The following KCNIP4 variants were observed in gnomAD, a reference collection of about 807,000 sequenced individuals.
KCNIP4 encodes Kv channel-interacting protein 4.
In KCNIP4, 12 loss-of-function variants were observed where a neutral mutation model predicts 34.0. The ratio of observed to expected loss-of-function variants is 0.35; its 90% CI spans 0.23 to 0.57. The LOEUF is 0.57. Ranked by LOEUF, KCNIP4 falls within the 20% of genes least tolerant of loss-of-function variation. KCNIP4 has a pLI of 0.83. For synonymous variants in KCNIP4, 124 were observed against 102.2 expected, an observed-to-expected ratio of 1.21 and a Z score of -1.29; for missense variants, 238 against 311.7, an observed-to-expected ratio of 0.76 and a Z score of 1.78.
intron 1 of KCNIP4, among the ~76,000 whole-genome samples, chr4:20,927,722 T>C (rs1189392862): frequency 6.6e-6 from 1 of 152,220 alleles, no homozygotes; most frequent in Non-Finnish European, 1.5e-5. Context: ...TTTCAGTATG[T>C]GGTACAGTTT....
At chr4:21,493,727 G>A (rs544119035) in intron 1 of KCNIP4, among the ~76,000 whole-genome samples, 1 of 152,256 alleles carries the variant, frequency 6.6e-6, no homozygotes, top group South Asian at 2.1e-4. Context: ...CCAATCTACA[G>A]AGGGCAGGAG....
At chr4:21,847,133 C>T (rs540375048) in intron 1 of KCNIP4, 3 of 152,230 alleles carry the variant, frequency 2.0e-5, no homozygotes, top group Non-Finnish European at 2.9e-5. Context: ...CAGTTCATCA[C>T]CTTCTATAAC....
At chr4:21,121,189 G>C (rs1750127533) in intron 1 of KCNIP4, among the ~76,000 whole-genome samples, 1 of 152,128 alleles carries the variant, frequency 6.6e-6, no homozygotes, top group African/African-American at 2.4e-5. Context: ...ACAACCCCAG[G>C]TGACTCCTAC....
intron 1 of KCNIP4, among the ~76,000 whole-genome samples, chr4:21,576,531 C>T (rs1287497770): frequency 6.6e-6 from 1 of 152,042 alleles, no homozygotes; most frequent in African/African-American, 2.4e-5. Flanking sequence ...AAAATCAATG[C>T]CCTAAAATTG....
chr4:21,593,159 T>TG (rs1742359583), intron 1 of KCNIP4, among the ~76,000 whole-genome samples: 1 of 143,826 alleles, frequency 7.0e-6, no homozygotes. Context: ...CTTAACAGAG[T>TG]GAAAAAAAAA....
At chr4:20,965,023 A>C (rs1411789464) in intron 1 of KCNIP4, among the ~76,000 whole-genome samples, 1 of 152,158 alleles carries the variant, frequency 6.6e-6, no homozygotes, top group Non-Finnish European at 1.5e-5. Flanking sequence ...CTATTTAACC[A>C]AAGAGAAGAT....
chr4:21,708,694 C>T (rs750800378), intron 1 of KCNIP4, among the ~76,000 whole-genome samples: 2 of 151,960 alleles, frequency 1.3e-5, no homozygotes, highest in Non-Finnish European at 2.9e-5. Flanking sequence ...GTCAAGGAAG[C>T]CTCATTTTCA....
At chr4:21,301,829 A>G (rs1351838849) in intron 1 of KCNIP4, among the ~76,000 whole-genome samples, 1 of 152,168 alleles carries the variant, frequency 6.6e-6, no homozygotes, top group Non-Finnish European at 1.5e-5. Flanking sequence ...ATTTAGTCAA[A>G]TTAAATCTTG....
intron 1 of KCNIP4, among the ~76,000 whole-genome samples, chr4:21,267,209 T>C (rs1290689455): frequency 1.3e-5 from 2 of 152,242 alleles, no homozygotes; most frequent in African/African-American, 4.8e-5. Flanking sequence ...ATATTCATAG[T>C]GACAGTCCTC....
intron 1 of KCNIP4, among the ~76,000 whole-genome samples, chr4:20,908,509 G>A (rs1728016407): frequency 6.6e-6 from 1 of 152,184 alleles, no homozygotes; most frequent in Non-Finnish European, 1.5e-5. Context: ...ATGTCTTGAA[G>A]CCATCCTGTA....
At chr4:21,209,835 A>G (rs1757105161) in intron 1 of KCNIP4, among the ~76,000 whole-genome samples, 1 of 152,342 alleles carries the variant, frequency 6.6e-6, no homozygotes, top group African/African-American at 2.4e-5. Flanking sequence ...CACCAAATAA[A>G]TGAGATTTCG....
At chr4:21,809,530 C>G (rs1405260454) in intron 1 of KCNIP4, among the ~76,000 whole-genome samples, 1 of 151,912 alleles carries the variant, frequency 6.6e-6, no homozygotes, top group Non-Finnish European at 1.5e-5. Context: ...TCTGGAGAAC[C>G]CTAATATGCA....
intron 1 of KCNIP4, among the ~76,000 whole-genome samples, chr4:21,808,687 C>T (rs975946373): frequency 6.6e-6 from 1 of 152,184 alleles, no homozygotes; most frequent in Non-Finnish European, 1.5e-5. Flanking sequence ...CAATGGATGG[C>T]TAGCCTTAAA....
At chr4:21,341,135 A>C (rs1373229654) in intron 1 of KCNIP4, among the ~76,000 whole-genome samples, 1 of 152,100 alleles carries the variant, frequency 6.6e-6, no homozygotes. Flanking sequence ...AGGAACACTG[A>C]GGATTGCCAA....
chr4:21,498,131 T>A (rs1261012498), intron 1 of KCNIP4, among the ~76,000 whole-genome samples: 1 of 152,170 alleles, frequency 6.6e-6, no homozygotes, highest in Admixed American at 6.5e-5. Flanking sequence ...TTGCAGAAAA[T>A]AAAATTCACC....
intron 1 of KCNIP4, among the ~76,000 whole-genome samples, chr4:21,948,265 A>C (rs1237621032): frequency 6.6e-6 from 1 of 152,158 alleles, no homozygotes; most frequent in Non-Finnish European, 1.5e-5. Context: ...ATGCATAAAC[A>C]ACCTCGGAAA....
chr4:21,320,489 A>G (rs1714257979), intron 1 of KCNIP4, among the ~76,000 whole-genome samples: 1 of 152,180 alleles, frequency 6.6e-6, no homozygotes, highest in Non-Finnish European at 1.5e-5. Context: ...GTTAAGAACA[A>G]TGATGGTGAG....
At chr4:20,847,222 T>C (rs1472268901) in intron 3 of KCNIP4, among the ~76,000 whole-genome samples, 3 of 152,106 alleles carry the variant, frequency 2.0e-5, no homozygotes, top group Admixed American at 1.3e-4. Flanking sequence ...ATTATCCCAG[T>C]TTATAGACAA....
chr4:21,454,296 G>A (rs1728746549), intron 1 of KCNIP4, among the ~76,000 whole-genome samples: 1 of 152,086 alleles, frequency 6.6e-6, no homozygotes, highest in African/African-American at 2.4e-5. Flanking sequence ...AGATTTAGTG[G>A]ACCCTATTCC....
Sources: allele counts gnomAD v4.1 joint callset (sites outside exome capture counted in the v4.1 genomes callset), GRCh38; gene constraint gnomAD v4.1.1; transcripts MANE v1.5; gene names NCBI Gene and HGNC (gene_info 2026-07-23, HGNC 2026-07-21).